The following HMGCLL1 variants were observed in gnomAD, a reference collection of about 807,000 sequenced individuals.
The protein encoded by HMGCLL1 is 3-hydroxymethyl-3-methylglutaryl-CoA lyase, cytoplasmic.
Under a neutral mutation model 39.1 loss-of-function variants are expected in HMGCLL1, and 36 were observed. The observed-to-expected ratio is 0.92, with a 90% confidence interval of 0.71 to 1.22. The LOEUF (loss-of-function observed/expected upper bound fraction) is 1.22. HMGCLL1 is among the 50% of genes most tolerant of loss of function. The pLI, the probability that HMGCLL1 is intolerant of heterozygous loss-of-function variation, is 0.00. For synonymous variants in HMGCLL1, 149 were observed against 144.0 expected, an observed-to-expected ratio of 1.03 and a Z score of -0.25; for missense variants, 451 against 416.5, an observed-to-expected ratio of 1.08 and a Z score of -0.72.
At chr6:55,667,736 T>C in the HMGCLL1 span, among the ~76,000 whole-genome samples, 3 of 151,818 alleles carry the variant, frequency 2.0e-5, no homozygotes, top group Admixed American at 2.0e-4. Flanking sequence ...TATCTACCAA[T>C]GTTCAATGCC....
chr6:55,507,235 T>G (rs538536894), intron 5 of HMGCLL1, among the ~76,000 whole-genome samples: 1 of 151,886 alleles, frequency 6.6e-6, no homozygotes, highest in African/African-American at 2.4e-5. Flanking sequence ...TGGGTTAAAC[T>G]TTATTATACA....
At chr6:55,530,265 A>T (rs985950558) in intron 3 of HMGCLL1, among the ~76,000 whole-genome samples, 12 of 152,154 alleles carry the variant, frequency 7.9e-5, no homozygotes, top group Admixed American at 7.9e-4. Flanking sequence ...GGTTATTAGC[A>T]TGAATTTGCT....
At chr6:55,488,375 A>G (rs1378522018) in intron 7 of HMGCLL1, among the ~76,000 whole-genome samples, 2 of 152,048 alleles carry the variant, frequency 1.3e-5, no homozygotes, top group African/African-American at 4.8e-5. Flanking sequence ...CTGACTATGC[A>G]ATTTGACATG....
At chr6:55,592,388 T>C in the HMGCLL1 span, among the ~76,000 whole-genome samples, 3 of 152,106 alleles carry the variant, frequency 2.0e-5, no homozygotes, top group African/African-American at 7.2e-5. Context: ...AGATATGGAT[T>C]TACTAAGTTA....
At chr6:55,495,962 A>G (rs74886504) in intron 6 of HMGCLL1, among the ~76,000 whole-genome samples, 3,488 of 152,186 alleles carry the variant, frequency 0.023, 130 homozygotes, top group African/African-American at 0.08. Flanking sequence ...TTACAGATCT[A>G]CTTTGGAAGT....
chr6:55,540,634 G>A (rs1007771514), intron 3 of HMGCLL1, among the ~76,000 whole-genome samples: 1 of 152,106 alleles, frequency 6.6e-6, no homozygotes, highest in Admixed American at 6.6e-5. Context: ...ATGCTATTCT[G>A]TTATAGTATC....
At chr6:55,489,043 A>G (rs143518165) in intron 7 of HMGCLL1, among the ~76,000 whole-genome samples, 114 of 152,136 alleles carry the variant, frequency 7.5e-4, no homozygotes, top group African/African-American at 2.6e-3. Flanking sequence ...ATAATAGTTT[A>G]TGTTCAGTAC....
the HMGCLL1 span, among the ~76,000 whole-genome samples, chr6:55,590,595 A>G: frequency 1.3e-5 from 2 of 152,244 alleles, no homozygotes; most frequent in African/African-American, 4.8e-5. Context: ...AAAGGAAACT[A>G]CAATCAGAGT....
rs996464162 is a variant in HMGCLL1, at chr6:55,577,135, C to A, written c.108+1813G>T. 2.5e-6 allele frequency: 4 copies of A among 1,607,588 alleles called. No homozygotes were observed. In the African/African-American group the frequency reaches 5.4e-5, roughly 22 times the overall value. On this transcript the variant is annotated intron_variant, in intron 1 of 8. Transcript: ENST00000274901. Reference sequence around the variant, plus strand: ...AGACTGAGAAGCCAGAGACATCGGGCTGAAAGCAGTGAAGGTTTGTTAGAA... The same window carrying A: ...AGACTGAGAAGCCAGAGACATCGGGATGAAAGCAGTGAAGGTTTGTTAGAA...
the HMGCLL1 span, among the ~76,000 whole-genome samples, chr6:55,660,730 A>C: frequency 0.33 from 49,377 of 151,616 alleles, 8,243 homozygotes; most frequent in East Asian, 0.41. Flanking sequence ...TGGGTATATA[A>C]CCTGTAATGG....
intron 7 of HMGCLL1, among the ~76,000 whole-genome samples, chr6:55,445,575 G>A (rs1300487742): frequency 6.6e-6 from 1 of 151,946 alleles, no homozygotes; most frequent in African/African-American, 2.4e-5. Context: ...CGGCATTAAA[G>A]GATTACTCTT....
At chr6:55,565,153 T>C (rs1028089026) in intron 1 of HMGCLL1, among the ~76,000 whole-genome samples, 11 of 152,082 alleles carry the variant, frequency 7.2e-5, no homozygotes, top group African/African-American at 2.7e-4. Flanking sequence ...CATTATGCAG[T>C]GAAAAACATT....
the HMGCLL1 span, among the ~76,000 whole-genome samples, chr6:55,638,170 C>T: frequency 6.6e-6 from 1 of 151,974 alleles, no homozygotes; most frequent in Non-Finnish European, 1.5e-5. Context: ...CTTTGGGAGG[C>T]TGAGGTGGGT....
intron 1 of HMGCLL1, among the ~76,000 whole-genome samples, chr6:55,554,074 G>A (rs1770516295): frequency 6.6e-6 from 1 of 152,086 alleles, no homozygotes; most frequent in African/African-American, 2.4e-5. Flanking sequence ...TCAACATGAG[G>A]ATAAATGAGA....
At chr6:55,467,109 A>G (rs1764826348) in intron 7 of HMGCLL1, among the ~76,000 whole-genome samples, 2 of 152,020 alleles carry the variant, frequency 1.3e-5, no homozygotes, top group South Asian at 4.1e-4. Flanking sequence ...TTTTGCCTGG[A>G]ATCCTTGTCT....
chr6:55,535,279 C>T (rs1195714467), intron 3 of HMGCLL1, among the ~76,000 whole-genome samples: 1 of 152,132 alleles, frequency 6.6e-6, no homozygotes. Context: ...ACCATGACAA[C>T]TCTTATAAGG....
chr6:55,618,862 T>G, the HMGCLL1 span, among the ~76,000 whole-genome samples: 1 of 152,094 alleles, frequency 6.6e-6, no homozygotes, highest in Admixed American at 6.6e-5. Context: ...GATTCTCAAC[T>G]AAAATTTTAC....
chr6:55,625,023 G>T, the HMGCLL1 span, among the ~76,000 whole-genome samples: 2 of 152,242 alleles, frequency 1.3e-5, no homozygotes, highest in Non-Finnish European at 2.9e-5. Context: ...AGATCGAATG[G>T]TGCTTGAGGT....
At chr6:55,581,060 G>A (rs182943308), upstream of HMGCLL1, among the ~76,000 whole-genome samples, 338 of 152,192 alleles carry the variant, frequency 2.2e-3, 1 homozygote, top group Non-Finnish European at 3.9e-3. Context: ...CCTTCATAAT[G>A]GAGTCAACAA....
Sources: allele counts gnomAD v4.1 joint callset (sites outside exome capture counted in the v4.1 genomes callset), GRCh38; gene constraint gnomAD v4.1.1; transcripts MANE v1.5; gene names NCBI Gene and HGNC (gene_info 2026-07-23, HGNC 2026-07-21).